NCAM1: variants seen among roughly 807,000 people sequenced by gnomAD.
NCAM1 encodes the protein antigen recognized by monoclonal antibody 5.1H11.
NCAM1 carries 14 observed loss-of-function variants against 109.8 expected under a neutral mutation model. That is an observed-to-expected ratio of 0.13 (90% confidence interval 0.08 to 0.20). The LOEUF (loss-of-function observed/expected upper bound fraction) is 0.20. Among genes scored for constraint, NCAM1 ranks in the 10% least tolerant of loss-of-function variants. The probability of loss-of-function intolerance (pLI) is 1.00; values close to 1 mark genes in which losing one functional copy is unlikely to be tolerated. For missense variants in NCAM1, 774 were observed against 1,109.9 expected (o/e 0.70, Z 4.30); for synonymous variants, 418 against 442.9 (o/e 0.94, Z 0.70).
At chr11:113,118,793 G>A (rs72645446) in intron 1 of NCAM1, among the ~76,000 whole-genome samples, 12,363 of 151,860 alleles carry the variant, frequency 0.081, 805 homozygotes, top group East Asian at 0.36. Context: ...ATTCATTTGA[G>A]GCATAGAGAA....
At chr11:113,026,320 A>G (rs1290446206) in intron 1 of NCAM1, among the ~76,000 whole-genome samples, 2 of 152,180 alleles carry the variant, frequency 1.3e-5, no homozygotes, top group Non-Finnish European at 2.9e-5. Flanking sequence ...TGGACCTAGA[A>G]TGAAGTTAAC....
In NCAM1 at chr11:113,162,003, C is replaced by T. The variant is rs556227854; in HGVS notation, c.53-40376C>T. 1.5e-3 allele frequency among the ~76,000 whole-genome samples: 224 copies of T among 152,202 alleles called. 3 individuals carry two copies. The Middle Eastern group carries it at 0.037, about 25-fold the overall frequency. ...CATGTGTGCCAGGTGAACTGCTGTT[C>T]GAGATATTTTCAGAATTCAAGGGTG... On this transcript the variant is annotated intron_variant, in intron 1 of 19. Coordinates refer to ENST00000316851, the MANE Select transcript of NCAM1 (RefSeq NM_181351.5).
Position 113,038,278 on chromosome 11 carries a change from C to G in NCAM1, c.52+76614C>G, listed in dbSNP as rs148084417. Among the ~76,000 whole-genome samples the G allele has an allele frequency of 4.9e-3, 751 of 152,364 alleles. 1 individual carries two copies. Among genetic ancestry groups the G allele is most frequent in the Non-Finnish European group, 7.7e-3 (526 of 68,030 alleles). Reference sequence around the variant, plus strand: ...TGTTCTCCAGCAAGCCCACTGCTCTCTGGCCTCCTTGCCTTTTGTAGATAA... The same window carrying G: ...TGTTCTCCAGCAAGCCCACTGCTCTGTGGCCTCCTTGCCTTTTGTAGATAA... On this transcript the variant is annotated intron_variant, in intron 1 of 19. Transcript: ENST00000316851.
chr11:113,150,711 G>A (rs1942195572), intron 1 of NCAM1, among the ~76,000 whole-genome samples: 1 of 152,186 alleles, frequency 6.6e-6, no homozygotes, highest in Non-Finnish European at 1.5e-5. Context: ...TTATTGCAGG[G>A]ACATGGAAAG....
intron 17 of NCAM1, 72 bp from the exon 18 acceptor site, chr11:113,270,116 G>T: frequency 6.8e-7 from 1 of 1,477,858 alleles, no homozygotes; most frequent in Non-Finnish European, 9.4e-7. Context: ...ACCCGCAGGG[G>T]CTTTTGCTGG....
chr11:113,173,855 G>A (rs1485781444), intron 1 of NCAM1, among the ~76,000 whole-genome samples: 1 of 151,924 alleles, frequency 6.6e-6, no homozygotes, highest in Non-Finnish European at 1.5e-5. Context: ...TCGGGCAGCA[G>A]GTTACTGTGC....
chr11:112,988,675 G>A (rs1451739409), intron 1 of NCAM1, among the ~76,000 whole-genome samples: 2 of 151,482 alleles, frequency 1.3e-5, no homozygotes, highest in Non-Finnish European at 2.9e-5. Context: ...CCTTTATGGG[G>A]GTTTTCTTGT....
intron 16 of NCAM1, 23 bp downstream of exon 16, chr11:113,256,024 T>G: frequency 6.3e-7 from 1 of 1,587,050 alleles, no homozygotes; most frequent in Non-Finnish European, 8.6e-7. Flanking sequence ...CTTCTCAGAC[T>G]TCACCAGAAC....
chr11:113,003,788 T>G (rs1276548544), intron 1 of NCAM1: 2 of 152,226 alleles, frequency 1.3e-5, no homozygotes, highest in Non-Finnish European at 2.9e-5. Context: ...TCAGACTCTT[T>G]GAGATCTTTG....
intron 7 of NCAM1, among the ~76,000 whole-genome samples, chr11:113,211,882 A>G (rs1220941801): frequency 6.6e-6 from 1 of 152,136 alleles, no homozygotes; most frequent in Admixed American, 6.5e-5. Context: ...TCACAGGAGG[A>G]AATATGGGGA....
intron 1 of NCAM1, among the ~76,000 whole-genome samples, chr11:113,115,143 G>A (rs1320871404): frequency 2.0e-5 from 3 of 152,310 alleles, no homozygotes; most frequent in African/African-American, 7.2e-5. Flanking sequence ...GAGTTCCTGA[G>A]TTGCTGTTAC....
intron 1 of NCAM1, among the ~76,000 whole-genome samples, chr11:113,114,589 A>C (rs1162389634): frequency 6.6e-6 from 1 of 152,046 alleles, no homozygotes; most frequent in Non-Finnish European, 1.5e-5. Flanking sequence ...CTCTTCAGGC[A>C]CTTCCCAGGG....
intron 1 of NCAM1, among the ~76,000 whole-genome samples, chr11:113,075,801 T>C (rs1176967148): frequency 6.6e-6 from 1 of 152,214 alleles, no homozygotes; most frequent in African/African-American, 2.4e-5. Flanking sequence ...GGAGGAATAA[T>C]AGCTGTTCTG....
chr11:113,152,691 A>G (rs930821446), intron 1 of NCAM1, among the ~76,000 whole-genome samples: 1 of 152,202 alleles, frequency 6.6e-6, no homozygotes, highest in Non-Finnish European at 1.5e-5. Flanking sequence ...TTCAACATTC[A>G]TTGCTGTCCA....
At chr11:113,111,513 G>A (rs1160201494) in intron 1 of NCAM1, among the ~76,000 whole-genome samples, 1 of 150,030 alleles carries the variant, frequency 6.7e-6, no homozygotes, top group African/African-American at 2.4e-5. Flanking sequence ...CCTGGGGTGG[G>A]AGGTCTGGAC....
At chr11:113,142,178 A>G (rs1400476889) in intron 1 of NCAM1, among the ~76,000 whole-genome samples, 1 of 152,064 alleles carries the variant, frequency 6.6e-6, no homozygotes, top group Non-Finnish European at 1.5e-5. Context: ...TTTGTTTCTC[A>G]TGGGGAGCCT....
intron 1 of NCAM1, among the ~76,000 whole-genome samples, chr11:113,096,300 T>C (rs1418064138): frequency 6.6e-6 from 1 of 152,008 alleles, no homozygotes; most frequent in Non-Finnish European, 1.5e-5. Context: ...CAGTTAAAAA[T>C]AGGGAATGAG....
At chr11:113,005,594 C>G (rs1390651346) in intron 1 of NCAM1, among the ~76,000 whole-genome samples, 5 of 152,022 alleles carry the variant, frequency 3.3e-5, no homozygotes, top group Non-Finnish European at 5.9e-5. Context: ...TTTTTCTGGG[C>G]CTGGTGTCTC....
intron 1 of NCAM1, among the ~76,000 whole-genome samples, chr11:112,992,562 C>T (rs1369594281): frequency 2.0e-5 from 3 of 146,862 alleles, no homozygotes; most frequent in Non-Finnish European, 4.5e-5. Flanking sequence ...AGTGCAGTGG[C>T]GTGATCTCGG....
Sources: allele counts gnomAD v4.1 joint callset (sites outside exome capture counted in the v4.1 genomes callset), GRCh38; gene constraint gnomAD v4.1.1; transcripts MANE v1.5; gene names NCBI Gene and HGNC (gene_info 2026-07-23, HGNC 2026-07-21).